The following AKAP6 variants were observed in gnomAD, a reference collection of about 807,000 sequenced individuals.
AKAP6 encodes A-kinase anchor protein 6.
In AKAP6, 58 loss-of-function variants were observed where a neutral mutation model predicts 188.5. That is an observed-to-expected ratio of 0.31 (90% CI 0.25 to 0.38). The LOEUF is 0.38. Among genes scored for constraint, AKAP6 ranks in the 10% least tolerant of loss-of-function variants. The pLI is 1.00. For missense variants in AKAP6, 2,710 were observed against 2,740.0 expected, an observed-to-expected ratio of 0.99 and a Z score of 0.24; for synonymous variants, 989 against 998.6, an observed-to-expected ratio of 0.99 and a Z score of 0.18.
chr14:32,769,036 G>GTTTTTT (rs1566698267), intron 11 of AKAP6, among the ~76,000 whole-genome samples: 1 of 18,502 alleles, frequency 5.4e-5, no homozygotes, highest in African/African-American at 1.5e-4. Context: ...CTGCTCTTTT[G>GTTTTTT]ATTTTTTTTT....
chr14:32,482,400 G>A (rs1173801073), intron 2 of AKAP6, among the ~76,000 whole-genome samples: 1 of 152,068 alleles, frequency 6.6e-6, no homozygotes, highest in Non-Finnish European at 1.5e-5. Flanking sequence ...CTGACTTCCT[G>A]GGATATACTT....
At chr14:32,384,120 T>G (rs772479233) in intron 1 of AKAP6, among the ~76,000 whole-genome samples, 6 of 152,190 alleles carry the variant, frequency 3.9e-5, no homozygotes, top group Admixed American at 6.5e-5. Context: ...AACTAAAGGC[T>G]TACGTTTGGT....
At chr14:32,797,316 A>G (rs1472774508) in intron 12 of AKAP6, among the ~76,000 whole-genome samples, 1 of 152,220 alleles carries the variant, frequency 6.6e-6, no homozygotes, top group Non-Finnish European at 1.5e-5. Context: ...ATGCATGCAT[A>G]TATTCATTGC....
At chr14:32,541,614 G>A (rs1359065702) in intron 3 of AKAP6, among the ~76,000 whole-genome samples, 1 of 152,034 alleles carries the variant, frequency 6.6e-6, no homozygotes, top group African/African-American at 2.4e-5. Context: ...CAGTAACCAT[G>A]ATAAATGTAA....
At chr14:32,375,865 G>A (rs1838504521) in intron 1 of AKAP6, 1 of 152,124 alleles carries the variant, frequency 6.6e-6, no homozygotes. Context: ...GAGTTTCCAG[G>A]AGAGAGTAGT....
At chr14:32,510,453 T>TATATATGTATATATATATATACAC (rs1881183804) in intron 2 of AKAP6, among the ~76,000 whole-genome samples, 1 of 83,502 alleles carries the variant, frequency 1.2e-5, no homozygotes, top group African/African-American at 4.7e-5. Context: ...TATATATACA[T>TATATATGTATATATATATATACAC]ATATATGTGT....
rs1169340299 is a variant in AKAP6 at position 32,484,153 on chromosome 14, G to C, written c.324+50336G>C. On this transcript the variant is annotated intron_variant, in intron 2 of 13. Coordinates refer to ENST00000280979, the MANE Select transcript of AKAP6 (RefSeq NM_004274.5). Reference sequence around the variant, plus strand: ...CCCTGGCTGGGTCGAAGAAGGTGGTGTTGAGGTTATGGTCTGTTAACAGCA... The same window carrying C: ...CCCTGGCTGGGTCGAAGAAGGTGGTCTTGAGGTTATGGTCTGTTAACAGCA... 2 of 92,954 alleles carry C rather than the reference G, an allele frequency of 2.2e-5. 1 individual carries two copies. Among genetic ancestry groups the C allele is most frequent in the Non-Finnish European group, 3.3e-5 (2 of 59,730 alleles). The allele number at this position is 92,954 out of a possible 1,614,324, so 5.8% of individuals were successfully genotyped here.
intron 1 of AKAP6, among the ~76,000 whole-genome samples, chr14:32,342,276 A>G (rs1189436584): frequency 6.6e-6 from 1 of 152,162 alleles, no homozygotes; most frequent in Non-Finnish European, 1.5e-5. Context: ...GCACACCTGA[A>G]ATGATCTCAT....
chr14:32,596,717 A>ATTG (rs1885718937), intron 5 of AKAP6, among the ~76,000 whole-genome samples: 1 of 152,162 alleles, frequency 6.6e-6, no homozygotes, highest in African/African-American at 2.4e-5. Flanking sequence ...TTGCAGAGGG[A>ATTG]CTGTACACCA....
chr14:32,363,158 C>T (rs949645350), intron 1 of AKAP6, among the ~76,000 whole-genome samples: 2 of 152,136 alleles, frequency 1.3e-5, no homozygotes, highest in African/African-American at 4.8e-5. Context: ...CAATAACTGA[C>T]CATATAATGT....
intron 2 of AKAP6, among the ~76,000 whole-genome samples, chr14:32,465,997 A>T (rs539695151): frequency 6.6e-6 from 1 of 152,368 alleles, no homozygotes; most frequent in East Asian, 1.9e-4. Flanking sequence ...ATTGGTCATT[A>T]CAGAAATGCA....
intron 12 of AKAP6, among the ~76,000 whole-genome samples, chr14:32,803,820 CA>C (rs2034019557): frequency 6.6e-6 from 1 of 152,162 alleles, no homozygotes; most frequent in Non-Finnish European, 1.5e-5. Flanking sequence ...CTCAGTTTGT[CA>C]AAAACAAAAC....
At chr14:32,613,743 C>T (rs1380357316) in intron 7 of AKAP6, among the ~76,000 whole-genome samples, 1 of 152,122 alleles carries the variant, frequency 6.6e-6, no homozygotes, top group Non-Finnish European at 1.5e-5. Flanking sequence ...AGCACCTTCA[C>T]ACTGACCACT....
chr14:32,687,647 C>T (rs1436585144), intron 8 of AKAP6, among the ~76,000 whole-genome samples: 1 of 152,052 alleles, frequency 6.6e-6, no homozygotes, highest in Non-Finnish European at 1.5e-5. Context: ...CACTAGACAA[C>T]CCAAAGAAAT....
chr14:32,417,463 T>G (rs1382652296), intron 1 of AKAP6, among the ~76,000 whole-genome samples: 1 of 152,202 alleles, frequency 6.6e-6, no homozygotes. Flanking sequence ...CACGTATTTC[T>G]CTGTAAAATT....
intron 11 of AKAP6, among the ~76,000 whole-genome samples, chr14:32,758,831 C>G (rs1555359914): frequency 6.6e-6 from 1 of 152,100 alleles, no homozygotes; most frequent in Non-Finnish European, 1.5e-5. Context: ...CTATTTTAAA[C>G]AGAATTAAAA....
At chr14:32,407,583 G>A (rs41397447) in intron 1 of AKAP6, among the ~76,000 whole-genome samples, 1 of 152,174 alleles carries the variant, frequency 6.6e-6, no homozygotes, top group East Asian at 1.9e-4. Flanking sequence ...CTGCATGTTA[G>A]TGAGGTGGTT....
chr14:32,723,706 A>C (rs1047620839), intron 9 of AKAP6, among the ~76,000 whole-genome samples: 2 of 152,110 alleles, frequency 1.3e-5, no homozygotes, highest in African/African-American at 4.8e-5. Context: ...GATGAGGCAT[A>C]TGCTCTCCCA....
chr14:32,594,091 T>C (rs556114450), intron 5 of AKAP6, among the ~76,000 whole-genome samples: 1 of 152,270 alleles, frequency 6.6e-6, no homozygotes, highest in Admixed American at 6.5e-5. Context: ...CTTTAACGCT[T>C]TATATTTATT....
Sources: gnomAD v4.1 joint callset for allele counts (sites outside exome capture counted in the v4.1 genomes callset) on GRCh38, gnomAD v4.1.1 for gene constraint, MANE v1.5 for transcripts, NCBI Gene and HGNC (gene_info 2026-07-23, HGNC 2026-07-21) for gene names.